The following SYN3 variants were observed in gnomAD, a reference collection of about 807,000 sequenced individuals.
SYN3 encodes synapsin-3.
Under a neutral mutation model 65.8 loss-of-function variants are expected in SYN3, and 35 were observed. The ratio of observed to expected loss-of-function variants is 0.53; its 90% CI spans 0.41 to 0.70. SYN3 has a LOEUF of 0.70. Among genes scored for constraint, SYN3 ranks in the 30% least tolerant of loss-of-function variants. The pLI is 0.00. For missense variants in SYN3, 680 were observed against 749.0 expected, an observed-to-expected ratio of 0.91 and a Z score of 1.08; for synonymous variants, 270 against 292.9, an observed-to-expected ratio of 0.92 and a Z score of 0.80.
intron 6 of SYN3, among the ~76,000 whole-genome samples, chr22:32,775,523 G>C (rs747891884): frequency 2.6e-5 from 4 of 152,200 alleles, no homozygotes; most frequent in Non-Finnish European, 5.9e-5. Context: ...TTGCATTGCA[G>C]TAGAGGACAC....
intron 7 of SYN3, among the ~76,000 whole-genome samples, chr22:32,579,971 C>T (rs2058913427): frequency 1.3e-5 from 2 of 152,324 alleles, no homozygotes; most frequent in Middle Eastern, 3.4e-3. Flanking sequence ...AAGGGAGGCA[C>T]CAGAGAAGTG....
At chr22:32,848,988 T>A (rs1303751043) in intron 6 of SYN3, among the ~76,000 whole-genome samples, 2 of 152,054 alleles carry the variant, frequency 1.3e-5, no homozygotes, top group Non-Finnish European at 2.9e-5. Flanking sequence ...CATGTCAAGA[T>A]GTGGTGAATT....
chr22:32,853,448 T>C (rs2048279768), intron 6 of SYN3, among the ~76,000 whole-genome samples: 1 of 152,224 alleles, frequency 6.6e-6, no homozygotes, highest in Non-Finnish European at 1.5e-5. Context: ...GCTGTCAATG[T>C]AGAGTGAAGG....
At chr22:32,596,871 G>A in intron 6 of SYN3, 135 bp from the exon 7 acceptor site, 1 of 887,408 alleles carries the variant, frequency 1.1e-6, no homozygotes, top group Non-Finnish European at 1.7e-6. Flanking sequence ...TCGACAGATG[G>A]TCACCCAGCC....
chr22:32,507,979 C>A lies in SYN3; in HGVS notation c.*5713G>T, dbSNP rs1378936435. On this transcript the variant is annotated 3_prime_UTR_variant, in exon 14 of 14. Transcript: ENST00000358763. ...GCAGCCCTGAGAAACATCGCCCATT[C>A]TCTCTCCATACCACCCCCCAAAAAT... Among the ~76,000 whole-genome samples, 1 of 152,092 alleles carries A rather than the reference C, an allele frequency of 6.6e-6. No individual in the cohort carries two copies. The highest frequency in any genetic ancestry group is 1.5e-5 in the Non-Finnish European group (1 of 68,034).
intron 4 of SYN3, among the ~76,000 whole-genome samples, chr22:32,870,160 T>TA (rs1415498356): frequency 1.3e-5 from 2 of 152,110 alleles, no homozygotes; most frequent in Non-Finnish European, 2.9e-5. Flanking sequence ...TCTTTGTGTA[T>TA]AAAAAAACAA....
chr22:33,048,023 A>G (rs2054098526), intron 1 of SYN3, among the ~76,000 whole-genome samples: 2 of 152,116 alleles, frequency 1.3e-5, no homozygotes, highest in African/African-American at 2.4e-5. Context: ...GGGGCATGAG[A>G]ATGAATACTG....
At chr22:32,566,355 A>G (rs2058672192) in intron 7 of SYN3, among the ~76,000 whole-genome samples, 1 of 152,108 alleles carries the variant, frequency 6.6e-6, no homozygotes, top group African/African-American at 2.4e-5. Flanking sequence ...ACAGTGCAAG[A>G]TGGAGGGATC....
In SYN3 at chr22:32,862,063, C is replaced by T. The variant is rs2267184; in HGVS notation, c.711+2852G>A. The T allele has an allele frequency of 0.27, 40,704 of 152,452 alleles. 5,642 individuals carry two copies. Among genetic ancestry groups the T allele is most frequent in the African/African-American group, 0.32 (13,335 of 41,458 alleles). 9.4% of individuals were successfully genotyped at this position (152,452 alleles called of 1,614,324 possible). On this transcript the variant is annotated intron_variant, in intron 6 of 13. Transcript: ENST00000358763. ...TAGTAACTGAGACTCCTCCAGCCTC[C>T]TCCCTATTGGAATCCCAATGGCTCC...
intron 1 of SYN3, among the ~76,000 whole-genome samples, chr22:33,047,080 T>C (rs1488191334): frequency 6.6e-6 from 1 of 152,112 alleles, no homozygotes; most frequent in Non-Finnish European, 1.5e-5. Flanking sequence ...CTTACACAGG[T>C]CTTCTTTAAC....
intron 6 of SYN3, among the ~76,000 whole-genome samples, chr22:32,842,046 TA>T (rs766896641): frequency 2.6e-5 from 4 of 152,026 alleles, no homozygotes; most frequent in South Asian, 2.1e-4. Context: ...TTGGAGAGGT[TA>T]GGGGGGAGGC....
intron 4 of SYN3, among the ~76,000 whole-genome samples, chr22:32,881,620 C>A (rs1448630985): frequency 3.3e-5 from 5 of 152,258 alleles, no homozygotes; most frequent in African/African-American, 1.2e-4. Flanking sequence ...CCACTTCTCG[C>A]TGGTTCCCTA....
intron 1 of SYN3, among the ~76,000 whole-genome samples, chr22:33,023,187 C>T (rs133963): frequency 0.71 from 108,091 of 152,052 alleles, 39,041 homozygotes; most frequent in African/African-American, 0.79. Flanking sequence ...CTGCCTGATA[C>T]GGTTTGGCTC....
At chr22:32,577,610 G>T (rs530072071) in intron 7 of SYN3, among the ~76,000 whole-genome samples, 1 of 152,318 alleles carries the variant, frequency 6.6e-6, no homozygotes, top group Non-Finnish European at 1.5e-5. Context: ...TTCTGCTTTA[G>T]AGTTTATTCA....
At chr22:32,570,596 G>A (rs1486752113) in intron 7 of SYN3, among the ~76,000 whole-genome samples, 1 of 151,802 alleles carries the variant, frequency 6.6e-6, no homozygotes, top group African/African-American at 2.4e-5. Flanking sequence ...AGAGGGTGGG[G>A]TGCTGAGAAG....
chr22:32,826,362 G>T (rs1006682487), intron 6 of SYN3, among the ~76,000 whole-genome samples: 1 of 152,180 alleles, frequency 6.6e-6, no homozygotes. Context: ...CCGGGAGGCG[G>T]AGGTTGCAGT....
At chr22:32,603,526 T>C (rs1461267726) in intron 6 of SYN3, among the ~76,000 whole-genome samples, 1 of 107,018 alleles carries the variant, frequency 9.3e-6, no homozygotes, top group African/African-American at 5.6e-5. Flanking sequence ...AGACTCCGTC[T>C]CAAAAAAAAA....
rs911333917 is a variant in SYN3 at position 32,573,403 on chromosome 22, G to A, written c.774+23271C>T. ...TTATTTGGAGATTGCAGAGAAAGCCGGTAAAATACTGGTGATTTTGTCAAC... is the reference window on the plus strand; with the variant it reads ...TTATTTGGAGATTGCAGAGAAAGCCAGTAAAATACTGGTGATTTTGTCAAC... On this transcript the variant is annotated intron_variant, in intron 7 of 13. Transcript: ENST00000358763. Among the ~76,000 whole-genome samples the A allele has an allele frequency of 3.3e-5, 5 of 152,082 alleles. 1 individual carries two copies. In the South Asian group the frequency reaches 1.0e-3, roughly 32 times the overall value.
At chr22:33,048,762 T>G (rs1431086875) in intron 1 of SYN3, among the ~76,000 whole-genome samples, 1 of 152,144 alleles carries the variant, frequency 6.6e-6, no homozygotes, top group Admixed American at 6.5e-5. Flanking sequence ...AATTACCCAG[T>G]CTCAGGTATT....
Sources: allele counts gnomAD v4.1 joint callset (sites outside exome capture counted in the v4.1 genomes callset), GRCh38; gene constraint gnomAD v4.1.1; transcripts MANE v1.5; gene names NCBI Gene and HGNC (gene_info 2026-07-23, HGNC 2026-07-21).